The following SLC1A2 variants were observed in gnomAD, a reference collection of about 807,000 sequenced individuals.
The protein encoded by SLC1A2 is solute carrier family 1 member 2.
A neutral mutation model predicts 48.8 loss-of-function variants in SLC1A2; 15 were observed. The observed-to-expected ratio is 0.31, with a 90% CI of 0.21 to 0.47. The LOEUF is 0.47. Ranked by LOEUF, SLC1A2 falls within the 20% of genes least tolerant of loss-of-function variation. The pLI is 0.99. For synonymous variants in SLC1A2, 279 were observed against 272.6 expected (o/e 1.02, Z -0.23); for missense variants, 502 against 730.5 (o/e 0.69, Z 3.61).
rs772807099 is a variant in SLC1A2, at chr11:35,265,632, C to T, written c.1548G>A (p.Met516Ile). 1 of 1,612,652 alleles carries T rather than the reference C, an allele frequency of 6.2e-7. No homozygotes were observed. Among genetic ancestry groups the T allele is most frequent in the Admixed American group, 1.7e-5 (1 of 60,014 alleles). The change falls in exon 10 of 11, where the codon ATG (methionine) becomes ATA (isoleucine). Residue 516 changes from methionine (M) to isoleucine (I), a missense_variant. By Grantham distance (10) the Met-to-Ile change is conservative. Coordinates refer to ENST00000278379, the MANE Select transcript of SLC1A2 (RefSeq NM_004171.4). ...SQHRVHEDIE[M>I]TKTQSIYDDM... ...CATCATAAATGGATTGAGTCTTGGT[C>T]ATTTCAATATCTTCATGCACTCGAT...
At chr11:35,270,621 G>A (rs1850256089) in intron 9 of SLC1A2, among the ~76,000 whole-genome samples, 1 of 152,190 alleles carries the variant, frequency 6.6e-6, no homozygotes, top group South Asian at 2.1e-4. Context: ...ACTAGAGTGA[G>A]ATAAATGTTC....
At chr11:35,350,259 ATTACCTT>A (rs1395260405) in intron 1 of SLC1A2, among the ~76,000 whole-genome samples, 1 of 152,142 alleles carries the variant, frequency 6.6e-6, no homozygotes, top group Admixed American at 6.5e-5. Flanking sequence ...TCTTTTTCCA[ATTACCTT>A]TTTACAGATG....
At chr11:35,266,465 G>C (rs1050740597) in intron 9 of SLC1A2, among the ~76,000 whole-genome samples, 2 of 152,082 alleles carry the variant, frequency 1.3e-5, no homozygotes, top group African/African-American at 4.8e-5. Flanking sequence ...AATGTTTCTG[G>C]AATCAGGAAA....
At chr11:35,281,542 T>C (rs1409427592) in intron 8 of SLC1A2, among the ~76,000 whole-genome samples, 2 of 152,168 alleles carry the variant, frequency 1.3e-5, no homozygotes, top group African/African-American at 4.8e-5. Context: ...AGATTCCAAA[T>C]GACACTAAGC....
At chr11:35,304,352 G>T (rs899107158) in intron 5 of SLC1A2, among the ~76,000 whole-genome samples, 1 of 152,126 alleles carries the variant, frequency 6.6e-6, no homozygotes, top group African/African-American at 2.4e-5. Flanking sequence ...TGACAAAAGG[G>T]GGTTGGGTGT....
At chr11:35,387,102 C>T (rs1854607160) in intron 1 of SLC1A2, among the ~76,000 whole-genome samples, 1 of 152,180 alleles carries the variant, frequency 6.6e-6, no homozygotes, top group Non-Finnish European at 1.5e-5. Context: ...TTCCCATCTT[C>T]TGGCACCTCC....
In SLC1A2 at chr11:35,398,919, C is replaced by T. The variant is rs568491747; in HGVS notation, c.17+20031G>A. Among the ~76,000 whole-genome samples, 14 of 152,342 alleles carry T rather than the reference C, an allele frequency of 9.2e-5. No individual in the cohort carries two copies. The South Asian group carries it at 2.7e-3, about 29-fold the overall frequency. On this transcript the variant is annotated intron_variant, in intron 1 of 10. Coordinates refer to ENST00000278379, the MANE Select transcript of SLC1A2 (RefSeq NM_004171.4). ...TAGCCTCCACTCCATTTACTCAGCT[C>T]TGGTGCTGTGAAATACATGAGAATA... is the stretch of plus-strand genomic sequence containing the variant.
At chr11:35,327,293 G>A (rs1223431879) in intron 1 of SLC1A2, among the ~76,000 whole-genome samples, 1 of 152,138 alleles carries the variant, frequency 6.6e-6, no homozygotes, top group Non-Finnish European at 1.5e-5. Flanking sequence ...GGTGTTAGAA[G>A]TAAATACATA....
At position 35,265,722 on chromosome 11, in the gene SLC1A2, G is replaced by A. The variant is rs1591402683; in HGVS notation, c.1458C>T (p.Asp486=). ...GATAGACTATCCCAGCCCCAAAAGA[G>A]TCACCCACAACATTGACTGAAGTTC... is the stretch of plus-strand genomic sequence containing the variant. The part of the protein sequence containing the change: ...RMRTSVNVVG[D]SFGAGIVYHL... The change falls in exon 10 of 11, where the codon GAC becomes GAT. Residue 486 remains aspartate (D), a synonymous_variant. Transcript: ENST00000278379. 6.2e-7 allele frequency: 1 copy of A among 1,613,866 alleles called. No individual in the cohort carries two copies. The highest frequency in any genetic ancestry group is 8.5e-7 in the Non-Finnish European group (1 of 1,179,746).
At chr11:35,356,157 A>G (rs866887908) in intron 1 of SLC1A2, among the ~76,000 whole-genome samples, 95 of 152,340 alleles carry the variant, frequency 6.2e-4, no homozygotes, top group Admixed American at 1.0e-3. Flanking sequence ...GTACTTAGCT[A>G]CACTTTGAGA....
At chr11:35,292,636 C>G (rs1207056559) in intron 6 of SLC1A2, 116 bp from the exon 7 acceptor site, 2 of 615,402 alleles carry the variant, frequency 3.2e-6, no homozygotes, top group Non-Finnish European at 2.8e-6. Context: ...CAAAAAAAGA[C>G]TTTTGCTGAG....
chr11:35,306,768 A>G (rs1200515631), intron 4 of SLC1A2, among the ~76,000 whole-genome samples: 1 of 152,194 alleles, frequency 6.6e-6, no homozygotes, highest in East Asian at 1.9e-4. Flanking sequence ...GCTCCCACAT[A>G]TAAATGAGAA....
At chr11:35,409,408 C>A (rs540097641) in intron 1 of SLC1A2, among the ~76,000 whole-genome samples, 1 of 152,276 alleles carries the variant, frequency 6.6e-6, no homozygotes, top group South Asian at 2.1e-4. Context: ...CTCTTGTTCC[C>A]AATATATTTA....
At chr11:35,279,887 C>T (rs933569139) in intron 9 of SLC1A2, among the ~76,000 whole-genome samples, 1 of 152,358 alleles carries the variant, frequency 6.6e-6, no homozygotes, top group South Asian at 2.1e-4. Context: ...ATATTCTCCG[C>T]TCTGTCCTTC....
Position 35,402,346 on chromosome 11 carries a change from C to A in SLC1A2, c.17+16604G>T, listed in dbSNP as rs921559332. Among the ~76,000 whole-genome samples the A allele has an allele frequency of 2.0e-5, 3 of 152,120 alleles. No individual in the cohort carries two copies. The South Asian group carries it at 6.2e-4, about 32-fold the overall frequency. ...AATCAATCATACCTAATAATGTACCCTCCATAAAAATCCCTGAACAATGGG... is the reference window on the plus strand; with the variant it reads ...AATCAATCATACCTAATAATGTACCATCCATAAAAATCCCTGAACAATGGG... On this transcript the variant is annotated intron_variant, in intron 1 of 10. Coordinates refer to ENST00000278379, the MANE Select transcript of SLC1A2 (RefSeq NM_004171.4).
chr11:35,322,246 C>T (rs1852096273), intron 1 of SLC1A2, among the ~76,000 whole-genome samples: 1 of 152,158 alleles, frequency 6.6e-6, no homozygotes, highest in Non-Finnish European at 1.5e-5. Flanking sequence ...GCTTATCGTG[C>T]AAATCATCCT....
chr11:35,309,593 C>T (rs1851623476), intron 4 of SLC1A2, among the ~76,000 whole-genome samples: 2 of 152,204 alleles, frequency 1.3e-5, no homozygotes, highest in South Asian at 2.1e-4. Context: ...AGGCAGTCTC[C>T]ACTCTGCGGG....
intron 1 of SLC1A2, among the ~76,000 whole-genome samples, chr11:35,395,018 C>T (rs1471594305): frequency 1.3e-5 from 2 of 152,228 alleles, no homozygotes; most frequent in Non-Finnish European, 2.9e-5. Flanking sequence ...AGAGCGTCTT[C>T]CCCACTGGTG....
intron 1 of SLC1A2, among the ~76,000 whole-genome samples, chr11:35,327,694 C>T (rs908476668): frequency 5.3e-5 from 8 of 152,168 alleles, no homozygotes; most frequent in African/African-American, 1.4e-4. Context: ...ACATTTGTGT[C>T]ATTTAAAAAG....
Sources: gnomAD v4.1 joint callset for allele counts (sites outside exome capture counted in the v4.1 genomes callset) on GRCh38, gnomAD v4.1.1 for gene constraint, MANE v1.5 for transcripts, NCBI Gene and HGNC (gene_info 2026-07-23, HGNC 2026-07-21) for gene names.